Variants in LYPD6 observed in about 807,000 individuals in gnomAD.
The protein encoded by LYPD6 is ly6/PLAUR domain-containing protein 6.
Under a neutral mutation model 22.7 loss-of-function variants are expected in LYPD6, and 15 were observed. The ratio of observed to expected loss-of-function variants is 0.66; its 90% CI spans 0.44 to 1.02. The LOEUF is 1.02. LYPD6 is among the 50% of genes least tolerant of loss of function. The probability of loss-of-function intolerance (pLI) is 0.00; values close to 1 mark genes in which losing one functional copy is unlikely to be tolerated. For synonymous variants in LYPD6, 72 were observed against 77.5 expected (o/e 0.93, Z 0.37); for missense variants, 189 against 208.4 (o/e 0.91, Z 0.57).
At chr2:149,334,890 G>C (rs1286962972) in intron 1 of LYPD6, among the ~76,000 whole-genome samples, 2 of 152,046 alleles carry the variant, frequency 1.3e-5, no homozygotes, top group Non-Finnish European at 2.9e-5. Context: ...TACGAGTATA[G>C]TGGAGCTGAA....
intron 1 of LYPD6, among the ~76,000 whole-genome samples, chr2:149,344,372 G>T (rs1192097083): frequency 6.6e-6 from 1 of 152,128 alleles, no homozygotes; most frequent in Non-Finnish European, 1.5e-5. Flanking sequence ...CAGTCAAAAA[G>T]CAAACAATAA....
chr2:149,411,122 A>AG (rs1170575531), intron 1 of LYPD6, among the ~76,000 whole-genome samples: 2 of 152,192 alleles, frequency 1.3e-5, no homozygotes, highest in African/African-American at 2.4e-5. Flanking sequence ...TTAGAAATGT[A>AG]GTCTCAAGCT....
intron 1 of LYPD6, among the ~76,000 whole-genome samples, chr2:149,423,457 C>T (rs370708503): frequency 8.5e-5 from 13 of 152,144 alleles, no homozygotes; most frequent in African/African-American, 2.9e-4. Context: ...CTGTACATTG[C>T]AAAATGAGAC....
At chr2:149,408,224 A>G (rs1291459440) in intron 1 of LYPD6, among the ~76,000 whole-genome samples, 1 of 152,120 alleles carries the variant, frequency 6.6e-6, no homozygotes, top group East Asian at 1.9e-4. Flanking sequence ...CCGTTCTCAG[A>G]TCTCCAGCTG....
At chr2:149,354,842 C>T (rs376856485) in intron 1 of LYPD6, among the ~76,000 whole-genome samples, 5 of 152,134 alleles carry the variant, frequency 3.3e-5, no homozygotes, top group South Asian at 4.1e-4. Flanking sequence ...TATTGGCTTA[C>T]GTAATGGTAG....
chr2:149,342,823 G>A (rs1052740467), intron 1 of LYPD6, among the ~76,000 whole-genome samples: 7 of 152,176 alleles, frequency 4.6e-5, no homozygotes, highest in Admixed American at 4.6e-4. Context: ...GCTCCCCACA[G>A]TCCTGATAAA....
At chr2:149,356,729 A>T (rs1201185728) in intron 1 of LYPD6, among the ~76,000 whole-genome samples, 1 of 152,194 alleles carries the variant, frequency 6.6e-6, no homozygotes, top group Non-Finnish European at 1.5e-5. Context: ...GAAGCTCACA[A>T]TCTGCTTGGC....
At chr2:149,422,396 A>G (rs1026506129) in intron 1 of LYPD6, among the ~76,000 whole-genome samples, 13 of 152,064 alleles carry the variant, frequency 8.5e-5, no homozygotes, top group African/African-American at 2.7e-4. Context: ...TCTCCTTCAC[A>G]GTAAGCCTAG....
intron 1 of LYPD6, among the ~76,000 whole-genome samples, chr2:149,360,238 G>C (rs531745349): frequency 1.3e-5 from 2 of 152,336 alleles, no homozygotes; most frequent in African/African-American, 4.8e-5. Context: ...GCTTTGGTGG[G>C]TTTTGGCTAG....
chr2:149,481,841 G>A, the LYPD6 span, among the ~76,000 whole-genome samples: 3 of 152,098 alleles, frequency 2.0e-5, no homozygotes, highest in African/African-American at 7.2e-5. Context: ...ATGCAATGTG[G>A]TTATATTACT....
intron 1 of LYPD6, among the ~76,000 whole-genome samples, chr2:149,407,318 T>C (rs532533536): frequency 1.3e-4 from 20 of 152,370 alleles, no homozygotes; most frequent in Admixed American, 3.3e-4. Flanking sequence ...GATAATATCC[T>C]GCAGAGTGTT....
intron 3 of LYPD6, among the ~76,000 whole-genome samples, chr2:149,456,298 C>A (rs143424690): frequency 1.1e-3 from 174 of 152,136 alleles, no homozygotes; most frequent in African/African-American, 4.0e-3. Flanking sequence ...GTATAATGTA[C>A]ATACCAAATA....
rs546547405 is a variant in LYPD6 at position 149,451,933 on chromosome 2, G to A, written c.217+2786G>A. On this transcript the variant is annotated intron_variant, in intron 3 of 4. Coordinates refer to ENST00000334166, the MANE Select transcript of LYPD6 (RefSeq NM_194317.5). ...CAGATGTCAAAATTAGCAGGACAAA[G>A]GTAAGTGCCAAGTGGAACCTGGCAT... Among the ~76,000 whole-genome samples the A allele has an allele frequency of 8.5e-5, 13 of 152,278 alleles. No homozygotes were observed. In the East Asian group the frequency reaches 2.5e-3, roughly 29 times the overall value.
chr2:149,386,361 T>C (rs1040804814), intron 1 of LYPD6, among the ~76,000 whole-genome samples: 1 of 152,224 alleles, frequency 6.6e-6, no homozygotes, highest in African/African-American at 2.4e-5. Context: ...GTTATAGACA[T>C]GGAAGGTCCT....
At chr2:149,407,817 T>G (rs1037692644) in intron 1 of LYPD6, among the ~76,000 whole-genome samples, 3 of 152,222 alleles carry the variant, frequency 2.0e-5, no homozygotes, top group African/African-American at 7.2e-5. Flanking sequence ...CTCTGGTTTT[T>G]AGAGTTTCCA....
rs149386147 is a variant in LYPD6, at chr2:149,431,704, T to G, written c.-71-5934T>G. ...TACTGTGCATTGTATGCATTTTTTT[T>G]AGTCCTGTGTCGGTTGTGATTTTTA... On this transcript the variant is annotated intron_variant, in intron 1 of 4. Transcript: ENST00000334166. Among the ~76,000 whole-genome samples, 1,202 of 152,324 alleles carry G rather than the reference T, an allele frequency of 7.9e-3. 8 individuals carry two copies. The highest frequency in any genetic ancestry group is 0.028 in the African/African-American group (1,162 of 41,582).
chr2:149,424,692 A>G (rs1009198639), intron 1 of LYPD6, among the ~76,000 whole-genome samples: 13 of 152,206 alleles, frequency 8.5e-5, no homozygotes, highest in African/African-American at 3.1e-4. Context: ...CAAGGATGAC[A>G]GCAGGAGCCA....
intron 1 of LYPD6, among the ~76,000 whole-genome samples, chr2:149,410,257 T>C (rs942417988): frequency 1.3e-5 from 2 of 152,226 alleles, no homozygotes; most frequent in Admixed American, 6.5e-5. Flanking sequence ...CATACGTTTG[T>C]AAGTGCATCT....
At chr2:149,437,166 C>T (rs867511167) in intron 1 of LYPD6, among the ~76,000 whole-genome samples, 3 of 152,148 alleles carry the variant, frequency 2.0e-5, no homozygotes, top group South Asian at 4.1e-4. Flanking sequence ...TTGGAGAGGT[C>T]AGCTTTCCTG....
Sources: gnomAD v4.1 joint callset for allele counts (sites outside exome capture counted in the v4.1 genomes callset) on GRCh38, gnomAD v4.1.1 for gene constraint, MANE v1.5 for transcripts, NCBI Gene and HGNC (gene_info 2026-07-23, HGNC 2026-07-21) for gene names.